Variants in ANKRD36B observed in about 807,000 individuals in gnomAD.
ANKRD36B encodes the protein ankyrin repeat domain 36B.
In ANKRD36B, 37 loss-of-function variants were observed where a neutral mutation model predicts 135.7. The observed-to-expected ratio is 0.27, with a 90% CI of 0.21 to 0.36. The LOEUF (loss-of-function observed/expected upper bound fraction) is 0.36. Among genes scored for constraint, ANKRD36B ranks in the 10% least tolerant of loss-of-function variants. The probability of loss-of-function intolerance (pLI) is 1.00; values close to 1 mark genes in which losing one functional copy is unlikely to be tolerated. For missense variants in ANKRD36B, 549 were observed against 1,037.1 expected (o/e 0.53, Z 6.46); for synonymous variants, 179 against 348.1 (o/e 0.51, Z 5.41).
intron 16 of ANKRD36B, among the ~76,000 whole-genome samples, chr2:97,552,425 T>C (rs2080149217): frequency 6.6e-6 from 1 of 151,950 alleles, no homozygotes; most frequent in Non-Finnish European, 1.5e-5. Flanking sequence ...AGCCAATGTA[T>C]TCATATTCAA....
chr2:97,549,007 T>C (rs1293319769), intron 20 of ANKRD36B, among the ~76,000 whole-genome samples: 2 of 152,002 alleles, frequency 1.3e-5, no homozygotes, highest in South Asian at 4.1e-4. Flanking sequence ...TCTCCTACAG[T>C]GTGTACGGGT....
At chr2:97,569,995 A>C (rs2081732616) in intron 6 of ANKRD36B, among the ~76,000 whole-genome samples, 6 of 152,180 alleles carry the variant, frequency 3.9e-5, no homozygotes, top group Admixed American at 3.9e-4. Context: ...CCATCTACAT[A>C]ATTAAAATGA....
chr2:97,573,003 G>A (rs1043242537), intron 6 of ANKRD36B, among the ~76,000 whole-genome samples: 3 of 150,960 alleles, frequency 2.0e-5, no homozygotes, highest in Non-Finnish European at 4.4e-5. Flanking sequence ...ATATTGGTGT[G>A]CTGCACCCAT....
chr2:97,570,552 T>C (rs1280214353), intron 6 of ANKRD36B, among the ~76,000 whole-genome samples: 1 of 152,166 alleles, frequency 6.6e-6, no homozygotes, highest in Admixed American at 6.5e-5. Context: ...CCTATGTAAC[T>C]AGCTTCCATA....
At position 97,570,891 on chromosome 2, in the gene ANKRD36B, T is replaced by G. The variant is rs201507367; in HGVS notation, c.763+5488A>C. 5.3e-4 allele frequency among the ~76,000 whole-genome samples: 80 copies of G among 152,318 alleles called. 1 individual carries two copies. In the East Asian group the frequency reaches 0.014, roughly 27 times the overall value. Reference sequence around the variant, plus strand: ...TATATGAAATTAGTTTTCTTTAAGGTGATGTGACCTGTGACTACGATCAGA... The same window carrying G: ...TATATGAAATTAGTTTTCTTTAAGGGGATGTGACCTGTGACTACGATCAGA... On this transcript the variant is annotated intron_variant, in intron 6 of 43. Coordinates refer to ENST00000359901, the MANE Select transcript of ANKRD36B (RefSeq NM_001393939.1).
intron 1 of ANKRD36B, among the ~76,000 whole-genome samples, chr2:97,585,719 A>G (rs1198299310): frequency 6.6e-6 from 1 of 152,238 alleles, no homozygotes; most frequent in Non-Finnish European, 1.5e-5. Context: ...TGTGATGCTT[A>G]CATAAGAATC....
rs542630942 is a variant in ANKRD36B, at chr2:97,579,210, A to G, written c.558-167T>C. ...AGGGTTTATCTTTGCAAGTTACCAC[A>G]AAGGTTAAAAGCAAGGAACAAAAAG... On this transcript the variant is annotated intron_variant, in intron 4 of 43. Transcript: ENST00000359901. Among the ~76,000 whole-genome samples the G allele has an allele frequency of 2.7e-3, 402 of 149,334 alleles. 1 individual carries two copies. The highest frequency in any genetic ancestry group is 9.5e-3 in the African/African-American group (388 of 40,876).
intron 6 of ANKRD36B, among the ~76,000 whole-genome samples, chr2:97,567,472 G>C (rs1366072364): frequency 6.6e-6 from 1 of 151,992 alleles, no homozygotes; most frequent in South Asian, 2.1e-4. Flanking sequence ...TCTGGAGGCT[G>C]CCTGTCATAA....
rs2077311881 is a variant in ANKRD36B, at chr2:97,496,813, G to A, written c.*7-3958C>T. Among the ~76,000 whole-genome samples the A allele has an allele frequency of 2.7e-5, 2 of 74,050 alleles. 1 individual carries two copies. Among genetic ancestry groups the A allele is most frequent in the African/African-American group, 1.0e-4 (2 of 19,574 alleles). 48.6% of individuals were successfully genotyped at this position (74,050 alleles called of 152,430 possible). A position where few individuals can be genotyped will look rare whatever the true frequency, so the allele number is the denominator to read the frequency against. On this transcript the variant is annotated intron_variant, in intron 43 of 43. Transcript: ENST00000359901. ...TGTGTGTGTGTATACGTGTATGTGT[G>A]TGTATGTATATATGTGTGTGTATAT...
At chr2:97,559,666 C>T (rs2080849278) in intron 8 of ANKRD36B, among the ~76,000 whole-genome samples, 1 of 151,776 alleles carries the variant, frequency 6.6e-6, no homozygotes, top group Non-Finnish European at 1.5e-5. Flanking sequence ...ATGTATTAGC[C>T]TCAATAAAAA....
intron 35 of ANKRD36B, among the ~76,000 whole-genome samples, chr2:97,525,433 C>T (rs1292750645): frequency 2.1e-5 from 2 of 96,068 alleles, no homozygotes; most frequent in African/African-American, 6.3e-5. Context: ...CCAAGATGGC[C>T]AAATAGGAAC....
Position 97,545,206 on chromosome 2 carries a change from C to G in ANKRD36B, c.1681+460G>C, listed in dbSNP as rs1286957593. 5.2e-5 allele frequency among the ~76,000 whole-genome samples: 5 copies of G among 95,840 alleles called. 1 individual carries two copies. In the East Asian group the frequency reaches 1.2e-3, roughly 22 times the overall value. 62.9% of individuals were successfully genotyped at this position (95,840 alleles called of 152,430 possible). A position where few individuals can be genotyped will look rare whatever the true frequency, so the allele number is the denominator to read the frequency against. ...TTTCTCTCCTTCCTGACTCACAATC[C>G]CTATTCCTTGAGGAAAATAATTGCT... On this transcript the variant is annotated intron_variant, in intron 24 of 43. Coordinates refer to ENST00000359901, the MANE Select transcript of ANKRD36B (RefSeq NM_001393939.1).
At chr2:97,525,770 C>G (rs1437089793) in intron 35 of ANKRD36B, among the ~76,000 whole-genome samples, 1 of 97,592 alleles carries the variant, frequency 1.0e-5, no homozygotes, top group South Asian at 2.3e-4. Context: ...CTGGCTCAGA[C>G]AGTCCTATGC....
At chr2:97,551,431 T>G (rs2080055611) in intron 17 of ANKRD36B, 21 bp downstream of exon 17, 1 of 1,606,490 alleles carries the variant, frequency 6.2e-7, no homozygotes. Context: ...TAGCTCACAA[T>G]ATAAATGAGA....
rs536210629 is a variant in ANKRD36B at position 97,539,674 on chromosome 2, A to T, written c.1987+360T>A. The stretch of plus-strand genomic sequence containing the variant: ...GATCACTTTTCCATCTGTTTTTAGG[A>T]ACGCGATGTGATATCTGTAAAATCT... On this transcript the variant is annotated intron_variant, in intron 30 of 43. Coordinates refer to ENST00000359901, the MANE Select transcript of ANKRD36B (RefSeq NM_001393939.1). 5.5e-5 allele frequency: 7 copies of T among 128,272 alleles called. 2 individuals are homozygous for T. Among genetic ancestry groups the T allele is most frequent in the South Asian group, 1.5e-4 (2 of 13,086 alleles). 7.9% of individuals were successfully genotyped at this position (128,272 alleles called of 1,614,324 possible).
chr2:97,553,745 A>T (rs2080259385), intron 14 of ANKRD36B, among the ~76,000 whole-genome samples: 1 of 152,084 alleles, frequency 6.6e-6, no homozygotes, highest in East Asian at 1.9e-4. Flanking sequence ...CATGTCTTTT[A>T]TGCAAGATAT....
chr2:97,558,562 T>C (rs2080736057), intron 10 of ANKRD36B, among the ~76,000 whole-genome samples: 1 of 151,928 alleles, frequency 6.6e-6, no homozygotes, highest in Non-Finnish European at 1.5e-5. Flanking sequence ...ACTCCTTATG[T>C]CTTTAATGGC....
Position 97,538,190 on chromosome 2 carries a change from C to T in ANKRD36B, c.2067G>A (p.Thr689=), listed in dbSNP as rs1352384166. 21 of 1,277,598 alleles carry T rather than the reference C, an allele frequency of 1.6e-5. 5 individuals are homozygous for T. The highest frequency in any genetic ancestry group is 6.5e-5 in the Admixed American group (3 of 45,948). 79.1% of individuals were successfully genotyped at this position (1,277,598 alleles called of 1,614,324 possible). A position where few individuals can be genotyped will look rare whatever the true frequency, so the allele number is the denominator to read the frequency against. The change falls in exon 32 of 44, where the codon ACG becomes ACA. Residue 689 remains threonine, a synonymous_variant. Transcript: ENST00000359901. ...VSLLNIATRI[T]GGGKSGTEYP... ...TACCTGTTCCAGATTTCCCACCGCCCGTTATTCTTGTGGCAATATTCAAAA... is the reference window on the plus strand; with the variant it reads ...TACCTGTTCCAGATTTCCCACCGCCTGTTATTCTTGTGGCAATATTCAAAA...
chr2:97,562,582 C>A lies in ANKRD36B; in HGVS notation c.764-1722G>T, dbSNP rs149828842. Among the ~76,000 whole-genome samples, 138 of 152,064 alleles carry A rather than the reference C, an allele frequency of 9.1e-4. 1 individual carries two copies. Among genetic ancestry groups the A allele is most frequent in the African/African-American group, 3.2e-3 (132 of 41,524 alleles). On this transcript the variant is annotated intron_variant, in intron 6 of 43. Coordinates refer to ENST00000359901, the MANE Select transcript of ANKRD36B (RefSeq NM_001393939.1). ...CCACAAGTCTCCTCATCAGAAACTT[C>A]CAAATTACCTCACTAGCTGCTTTCT...
Sources: allele counts gnomAD v4.1 joint callset (sites outside exome capture counted in the v4.1 genomes callset), GRCh38; gene constraint gnomAD v4.1.1; transcripts MANE v1.5; gene names NCBI Gene and HGNC (gene_info 2026-07-23, HGNC 2026-07-21).